Variants in ANHX observed in about 807,000 individuals in gnomAD.
ANHX encodes the protein anomalous homeobox protein.
Under a neutral mutation model 38.9 loss-of-function variants are expected in ANHX, and 20 were observed. That is an observed-to-expected ratio of 0.51 (90% confidence interval 0.36 to 0.75). The LOEUF (loss-of-function observed/expected upper bound fraction) is 0.75. ANHX is among the 30% of genes least tolerant of loss of function. The pLI, the probability that ANHX is intolerant of heterozygous loss-of-function variation, is 0.00. For missense variants in ANHX, 475 were observed against 493.1 expected (o/e 0.96, Z 0.35); for synonymous variants, 185 against 203.1 (o/e 0.91, Z 0.76).
chr12:133,223,803 A>C (rs1369677184), intron 7 of ANHX, among the ~76,000 whole-genome samples: 1 of 151,918 alleles, frequency 6.6e-6, no homozygotes. Flanking sequence ...AAAAAGACCC[A>C]CAACCTCGGA....
At chr12:133,222,556 C>T (rs1440701355) in intron 7 of ANHX, among the ~76,000 whole-genome samples, 6 of 152,110 alleles carry the variant, frequency 3.9e-5, no homozygotes, top group South Asian at 4.1e-4. Context: ...ACCCATTGAC[C>T]GTCCCCACGC....
chr12:133,230,285 T>TG (rs1024187286), intron 3 of ANHX, among the ~76,000 whole-genome samples: 2 of 152,180 alleles, frequency 1.3e-5, no homozygotes, highest in African/African-American at 2.4e-5. Flanking sequence ...AGCATGCCCG[T>TG]GGGGGGCTAC....
rs745538921 is a variant in ANHX at position 133,221,147 on chromosome 12, A to G, written c.1280+58T>C. On this transcript the variant is annotated intron_variant, in intron 8 of 9. Coordinates refer to ENST00000545940, the MANE Select transcript of ANHX (RefSeq NM_001372060.1). This position sits in a 1 kb window ranked among gnomAD's most constrained non-coding sequence, Gnocchi z 4.1. Reference sequence around the variant, plus strand: ...ACGGTGAGTCTATAAACTGGGCATTACCCTATCTTGTGGCCTGTGGAAAGG... The same window carrying G: ...ACGGTGAGTCTATAAACTGGGCATTGCCCTATCTTGTGGCCTGTGGAAAGG... 42 of 1,524,016 alleles carry G rather than the reference A, an allele frequency of 2.8e-5. No individual in the cohort carries two copies. The highest frequency in any genetic ancestry group is 6.0e-5 in the Admixed American group (3 of 49,910). The allele number at this position is 1,524,016 out of a possible 1,614,324, so 94.4% of individuals were successfully genotyped here.
intron 3 of ANHX, among the ~76,000 whole-genome samples, chr12:133,228,307 C>A (rs1266134329): frequency 6.6e-6 from 1 of 151,842 alleles, no homozygotes; most frequent in Non-Finnish European, 1.5e-5. Flanking sequence ...TACTCACACA[C>A]AGGTGTCCTC....
chr12:133,222,085 G>T (rs1017559483), intron 7 of ANHX, among the ~76,000 whole-genome samples: 1 of 152,068 alleles, frequency 6.6e-6, no homozygotes, highest in African/African-American at 2.4e-5. Context: ...AGCTGCCCAG[G>T]GCCTTCTTAG....
intron 7 of ANHX, among the ~76,000 whole-genome samples, chr12:133,223,744 C>T (rs898962400): frequency 1.3e-5 from 2 of 151,990 alleles, no homozygotes; most frequent in African/African-American, 4.8e-5. Context: ...CTGCACCCGG[C>T]CAGGAGACCT....
chr12:133,225,081 T>C (rs1957171826), intron 7 of ANHX, among the ~76,000 whole-genome samples: 1 of 151,712 alleles, frequency 6.6e-6, no homozygotes, highest in Non-Finnish European at 1.5e-5. Flanking sequence ...ATGGGCAAAA[T>C]ATACATCTAA....
intron 3 of ANHX, among the ~76,000 whole-genome samples, chr12:133,228,759 G>C (rs1957228349): frequency 6.6e-6 from 1 of 152,174 alleles, no homozygotes; most frequent in South Asian, 2.1e-4. Flanking sequence ...TTCCCTGCTT[G>C]CCATCACCAG....
chr12:133,222,018 T>C (rs1566402303), intron 7 of ANHX, among the ~76,000 whole-genome samples: 1 of 151,814 alleles, frequency 6.6e-6, no homozygotes, highest in East Asian at 1.9e-4. Flanking sequence ...GGCCTGGGGG[T>C]GAGGCTCATG....
rs1415371052 is a variant in ANHX at position 133,221,828 on chromosome 12, C to T, written c.1133-476G>A. On this transcript the variant is annotated intron_variant, in intron 7 of 9. Transcript: ENST00000545940. The surrounding 1 kb of genome is among the most constrained non-coding windows in gnomAD (Gnocchi z 4.1). ...TGTCACTAGTTTCCCCTCCCTTTGA[C>T]TTTCCAGAGCGTATCTCAGAACATC... Among the ~76,000 whole-genome samples, 1 of 152,222 alleles carries T rather than the reference C, an allele frequency of 6.6e-6. No individual in the cohort carries two copies. The highest frequency in any genetic ancestry group is 1.5e-5 in the Non-Finnish European group (1 of 68,050).
At chr12:133,234,517 C>A in intron 1 of ANHX, 139 bp from the exon 2 acceptor site, 1 of 962,306 alleles carries the variant, frequency 1.0e-6, no homozygotes, top group South Asian at 1.7e-5. Context: ...TAAGACCTCA[C>A]ACATCCCGAG....
At chr12:133,233,479 A>C (rs185769583) in intron 2 of ANHX, among the ~76,000 whole-genome samples, 8 of 152,260 alleles carry the variant, frequency 5.3e-5, no homozygotes, top group African/African-American at 1.9e-4. Flanking sequence ...TGTGATTCAG[A>C]ATTTTTCAGA....
At chr12:133,223,195 A>T (rs552340480) in intron 7 of ANHX, among the ~76,000 whole-genome samples, 183 of 150,832 alleles carry the variant, frequency 1.2e-3, no homozygotes, top group Admixed American at 3.6e-3. Context: ...GCCTCAAAAA[A>T]AAATATATAT....
chr12:133,221,326 G>T lies in ANHX; in HGVS notation c.1159C>A (p.Pro387Thr). ...TGFSGPPSGHPQSVQLEEGLG... is the reference protein window; with the variant it reads ...TGFSGPPSGHTQSVQLEEGLG... ...CCCTCCTCCAATTGCACGCTCTGGGGATGGCCGCTGGGGGGGCCAGAAAAC... is the reference window on the plus strand; with the variant it reads ...CCCTCCTCCAATTGCACGCTCTGGGTATGGCCGCTGGGGGGGCCAGAAAAC... The change falls in exon 8 of 10, where the codon CCC becomes ACC. Residue 387 changes from proline (P) to threonine (T), a missense_variant. By Grantham distance (38) the Pro-to-Thr change is conservative (BLOSUM62 -1). Transcript: ENST00000545940. This position sits in a 1 kb window ranked among gnomAD's most constrained non-coding sequence, Gnocchi z 4.1. 6.5e-7 allele frequency: 1 copy of T among 1,535,882 alleles called. No individual in the cohort carries two copies. Among genetic ancestry groups the T allele is most frequent in the Non-Finnish European group, 8.7e-7 (1 of 1,146,834 alleles).
At position 133,221,240 on chromosome 12, in the gene ANHX, G is replaced by A. The variant is rs1463947496; in HGVS notation, c.1245C>T (p.Pro415=). Residue 415 remains proline (P), a synonymous_variant, in exon 8 of 10, where the codon CCC becomes CCT. Coordinates refer to ENST00000545940, the MANE Select transcript of ANHX (RefSeq NM_001372060.1). This position sits in a 1 kb window ranked among gnomAD's most constrained non-coding sequence, Gnocchi z 4.1. ...GGATGAATTCAGGAGCTTGCAGTGG[G>A]GGCTGTGTCACCAGGAAGCTGCCCA... ...LRVGSFLVTQ[P]PLQAPEFILT... 3.1e-5 allele frequency: 47 copies of A among 1,535,886 alleles called. No individual in the cohort carries two copies. Among genetic ancestry groups the A allele is most frequent in the Non-Finnish European group, 3.8e-5 (44 of 1,146,902 alleles).
chr12:133,227,979 A>T (rs1159071997), intron 3 of ANHX, 32 bp from the exon 4 acceptor site: 1 of 1,534,126 alleles, frequency 6.5e-7, no homozygotes, highest in Admixed American at 2.0e-5. Context: ...GTGGTAACAG[A>T]CAGGACCCCT....
At chr12:133,223,651 T>C (rs1280939166) in intron 7 of ANHX, among the ~76,000 whole-genome samples, 1 of 152,012 alleles carries the variant, frequency 6.6e-6, no homozygotes, top group East Asian at 1.9e-4. Flanking sequence ...TTTCATCATA[T>C]TGGCCAGGAT....
In ANHX at chr12:133,225,762, G is replaced by C. The variant is rs1957180972; in HGVS notation, c.906C>G (p.Phe302Leu). Reference protein sequence around the residue: ...PGHDPATLPLFCPGPGLCPLA... With the variant: ...PGHDPATLPLLCPGPGLCPLA... Reference sequence around the variant, plus strand: ...GAGGGCAGAGGCCAGGGCCAGGGCAGAAGAGGGGGAGGGTGGCAGGATCAT... The same window carrying C: ...GAGGGCAGAGGCCAGGGCCAGGGCACAAGAGGGGGAGGGTGGCAGGATCAT... The change falls in exon 7 of 10, where the codon TTC becomes TTG. Residue 302 changes from phenylalanine (F) to leucine (L), a missense_variant. Physicochemically the swap from Phe to Leu is conservative, Grantham distance 22. Transcript: ENST00000545940. 6.6e-6 allele frequency among the ~76,000 whole-genome samples: 1 copy of C among 152,210 alleles called. No individual in the cohort carries two copies. Among genetic ancestry groups the C allele is most frequent in the Non-Finnish European group, 1.5e-5 (1 of 68,028 alleles).
chr12:133,235,670 T>C (rs1593981088), intron 1 of ANHX, 137 bp downstream of exon 1: 1 of 44,916 alleles, frequency 2.2e-5, no homozygotes, highest in African/African-American at 9.5e-5. Context: ...TCCGCGCCCC[T>C]TATCCTCCAG....
Sources: gnomAD v4.1 joint callset for allele counts (sites outside exome capture counted in the v4.1 genomes callset) on GRCh38, gnomAD v4.1.1 for gene constraint, Gnocchi (gnomAD v3.1) non-coding constraint, MANE v1.5 for transcripts, NCBI Gene and HGNC (gene_info 2026-07-23, HGNC 2026-07-21) for gene names.